The following PHKG1 variants were observed in gnomAD, a reference collection of about 807,000 sequenced individuals.
PHKG1 encodes phosphorylase b kinase gamma catalytic chain, skeletal muscle/heart isoform.
A neutral mutation model predicts 50.5 loss-of-function variants in PHKG1; 48 were observed. The ratio of observed to expected loss-of-function variants is 0.95; its 90% CI spans 0.75 to 1.21. The LOEUF (loss-of-function observed/expected upper bound fraction) is 1.21, where lower values mean the gene tolerates loss of function less well. Among genes scored for constraint, PHKG1 ranks in the 50% most tolerant of loss-of-function variants. The pLI, the probability that PHKG1 is intolerant of heterozygous loss-of-function variation, is 0.00. For missense variants in PHKG1, 487 were observed against 519.5 expected, an observed-to-expected ratio of 0.94 and a Z score of 0.61; for synonymous variants, 204 against 212.8, an observed-to-expected ratio of 0.96 and a Z score of 0.36.
At chr7:56,085,528 G>A (rs962897926) in intron 4 of PHKG1, among the ~76,000 whole-genome samples, 1 of 152,178 alleles carries the variant, frequency 6.6e-6, no homozygotes. Context: ...GATGATGGTG[G>A]TGATGGTGAT....
chr7:56,083,776 C>T, intron 4 of PHKG1, 61 bp from the exon 5 acceptor site: 1 of 1,186,512 alleles, frequency 8.4e-7, no homozygotes, highest in South Asian at 1.3e-5. Context: ...CCTTACCCTG[C>T]TCCCAGAGAG....
Position 56,084,933 on chromosome 7 carries a change from G to A in PHKG1, c.318-1218C>T, listed in dbSNP as rs1299752216. The stretch of plus-strand genomic sequence containing the variant: ...GTCCCCAAGGGCTATACAGGACAGT[G>A]CCACAGAGCAGTCGAGACAGCTGCA... On this transcript the variant is annotated intron_variant, in intron 4 of 9. Coordinates refer to ENST00000297373, the MANE Select transcript of PHKG1 (RefSeq NM_006213.5). Among the ~76,000 whole-genome samples the A allele has an allele frequency of 2.0e-5, 3 of 152,158 alleles. No homozygotes were observed. In the East Asian group the frequency reaches 5.8e-4, roughly 30 times the overall value.
chr7:56,087,162 C>T (rs552812288), intron 3 of PHKG1, 138 bp from the exon 4 acceptor site: 30 of 682,948 alleles, frequency 4.4e-5, no homozygotes, highest in East Asian at 2.3e-4. Context: ...TGCTCAAAGA[C>T]GTCAACCTGG....
chr7:56,085,928 C>T (rs758638905), intron 4 of PHKG1, among the ~76,000 whole-genome samples: 2 of 149,072 alleles, frequency 1.3e-5, no homozygotes, highest in South Asian at 2.1e-4. Context: ...GAGCCGAGAT[C>T]GCACCACTAT....
At chr7:56,086,238 AC>A (rs1562879804) in intron 4 of PHKG1, among the ~76,000 whole-genome samples, 1 of 151,548 alleles carries the variant, frequency 6.6e-6, no homozygotes, top group East Asian at 1.9e-4. Flanking sequence ...ATGTTCCAAG[AC>A]CCCCAGTGGA....
rs1796040641 is a variant in PHKG1 at position 56,082,268 on chromosome 7, A to G, written c.548-15T>C. ...CCCGCAGACCTCTGCAGGAACAGTC[A>G]TCATCAGGGCAGGTCAGCAGGGCAC... On this transcript the variant is annotated splice_polypyrimidine_tract_variant and intron_variant, in intron 6 of 9. Coordinates refer to ENST00000297373, the MANE Select transcript of PHKG1 (RefSeq NM_006213.5). 3 of 1,605,154 alleles carry G rather than the reference A, an allele frequency of 1.9e-6. No homozygotes were observed. The highest frequency in any genetic ancestry group is 2.6e-6 in the Non-Finnish European group (3 of 1,173,638).
chr7:56,088,034 C>CT (rs34445347), intron 2 of PHKG1, among the ~76,000 whole-genome samples: 13,646 of 77,918 alleles, frequency 0.18, 1,589 homozygotes, highest in Non-Finnish European at 0.23. Flanking sequence ...CCGTTCAGTG[C>CT]TTTTTTTTTT....
intron 1 of PHKG1, among the ~76,000 whole-genome samples, chr7:56,091,194 C>T (rs769033789): frequency 9.3e-5 from 14 of 151,332 alleles, no homozygotes; most frequent in African/African-American, 2.4e-4. Flanking sequence ...GCCTAGGTGA[C>T]GGAGTGAGTG....
At chr7:56,084,872 C>T (rs561048439) in intron 4 of PHKG1, among the ~76,000 whole-genome samples, 23 of 152,270 alleles carry the variant, frequency 1.5e-4, no homozygotes, top group African/African-American at 5.1e-4. Context: ...ATAGCTTCCC[C>T]CAGCAACTTC....
intron 7 of PHKG1, 32 bp downstream of exon 7, chr7:56,082,131 G>T (rs2117541111): frequency 1.2e-6 from 2 of 1,612,450 alleles, no homozygotes; most frequent in Non-Finnish European, 1.7e-6. Context: ...GCCCAGCCTA[G>T]CTGGGTGCTC....
rs377635697 is a variant in PHKG1, at chr7:56,088,935, G to A, written c.7C>T (p.Arg3Trp). Residue 3 changes from arginine to tryptophan, a missense_variant, in exon 2 of 10, where the codon CGG becomes TGG. Coordinates refer to ENST00000297373, the MANE Select transcript of PHKG1 (RefSeq NM_006213.5). MT[R>W]DEALPDSHSA... is the part of the protein sequence containing the mutation. ...TGAGAGTCCGGCAGTGCCTCGTCCC[G>A]GGTCATGCTCAGATCTTCAGTGAGG... 54 of 1,612,004 alleles carry A rather than the reference G, an allele frequency of 3.3e-5. No homozygotes were observed. The highest frequency in any genetic ancestry group is 2.5e-4 in the Admixed American group (15 of 59,936).
chr7:56,081,052 C>CCTCAGTAGT lies in PHKG1; in HGVS notation c.1157_*1dup, dbSNP rs766399777. On this transcript the variant is annotated 3_prime_UTR_variant, in exon 10 of 10. Transcript: ENST00000297373. This position sits in a 1 kb window ranked among gnomAD's most constrained non-coding sequence, Gnocchi z 4.6. ...CCTAGCCCTCCCTGACTGGCCAGCC[C>CCTCAGTAGT]CTCAGTAGTCCTCCTCGGCCAGGGA... The CCTCAGTAGT allele has an allele frequency of 1.2e-6, 2 of 1,612,048 alleles. No individual in the cohort carries two copies. The highest frequency in any genetic ancestry group is 2.2e-5 in the South Asian group (2 of 91,012).
chr7:56,090,851 G>C (rs543732098), intron 1 of PHKG1, among the ~76,000 whole-genome samples: 1 of 152,256 alleles, frequency 6.6e-6, no homozygotes, highest in East Asian at 1.9e-4. Context: ...ACACAGAGGC[G>C]CTGAGCTACC....
At chr7:56,092,461 T>C (rs996132388) in intron 1 of PHKG1, among the ~76,000 whole-genome samples, 5 of 152,152 alleles carry the variant, frequency 3.3e-5, no homozygotes, top group South Asian at 2.1e-4. Flanking sequence ...TTAGTAGATA[T>C]GGGGTTTCAC....
chr7:56,087,943 G>A (rs1796332372), intron 2 of PHKG1, among the ~76,000 whole-genome samples, 167 bp from the exon 3 acceptor site: 1 of 150,092 alleles, frequency 6.7e-6, no homozygotes, highest in African/African-American at 2.4e-5. Flanking sequence ...GCACAGACAG[G>A]TGATTTGCCC....
At chr7:56,084,946 C>G (rs1396613554) in intron 4 of PHKG1, among the ~76,000 whole-genome samples, 1 of 151,976 alleles carries the variant, frequency 6.6e-6, no homozygotes, top group Non-Finnish European at 1.5e-5. Context: ...ACAGAGCAGT[C>G]GAGACAGCTG....
chr7:56,085,791 C>T (rs2117572259), intron 4 of PHKG1, among the ~76,000 whole-genome samples: 1 of 152,028 alleles, frequency 6.6e-6, no homozygotes, highest in South Asian at 2.1e-4. Flanking sequence ...ATGGCAAAAC[C>T]CTGTCTCTAC....
chr7:56,087,270 G>A (rs538404001), intron 3 of PHKG1, among the ~76,000 whole-genome samples: 15 of 151,076 alleles, frequency 9.9e-5, no homozygotes, highest in African/African-American at 3.6e-4. Context: ...CACCCAGGCT[G>A]GAGTGTAATA....
In PHKG1 at chr7:56,084,387, T is replaced by C. The variant is rs1796161451; in HGVS notation, c.318-672A>G. On this transcript the variant is annotated intron_variant, in intron 4 of 9. Transcript: ENST00000297373. The stretch of plus-strand genomic sequence containing the variant: ...GTATCCCGATTTTTTTTTTTTTTTT[T>C]TTTTGAGATGGAGTTTTTGCTCATC... The C allele has an allele frequency of 5.2e-6, 3 of 573,712 alleles. No individual in the cohort carries two copies. In the South Asian group the frequency reaches 6.4e-5, roughly 12 times the overall value. The allele number at this position is 573,712 out of a possible 1,614,324, so 35.5% of individuals were successfully genotyped here.
Sources: allele counts gnomAD v4.1 joint callset (sites outside exome capture counted in the v4.1 genomes callset), GRCh38; gene constraint gnomAD v4.1.1; non-coding constraint Gnocchi (gnomAD v3.1); transcripts MANE v1.5; gene names NCBI Gene and HGNC (gene_info 2026-07-23, HGNC 2026-07-21).